ESX1: variants seen among roughly 807,000 people sequenced by gnomAD.
ESX1 encodes the protein homeobox protein ESX1.
Under a neutral mutation model 13.2 loss-of-function variants are expected in ESX1, and 2 were observed. The observed-to-expected ratio is 0.15, with a 90% CI of 0.06 to 0.48. The LOEUF is 0.48. Among genes scored for constraint, ESX1 ranks in the 20% least tolerant of loss-of-function variants. ESX1 has a pLI of 0.97. For synonymous variants in ESX1, 157 were observed against 163.1 expected, an observed-to-expected ratio of 0.96 and a Z score of 0.29; for missense variants, 307 against 379.0, an observed-to-expected ratio of 0.81 and a Z score of 1.58.
chrX:104,252,428 A>G (rs1602541986), intron 3 of ESX1, among the ~76,000 whole-genome samples: 2 of 112,174 alleles, frequency 1.8e-5, no homozygotes, highest in African/African-American at 3.2e-5. Flanking sequence ...ATTTATTGGG[A>G]TATATGTATG....
intron 2 of ESX1, 73 bp downstream of exon 2, chrX:104,254,080 GC>G (rs371213512): frequency 6.3e-6 from 7 of 1,110,813 alleles, no homozygotes; most frequent in African/African-American, 1.9e-5. Context: ...GCGCCCGTGA[GC>G]CCCCTACGTG....
intron 2 of ESX1, among the ~76,000 whole-genome samples, chrX:104,253,190 T>C (rs1923227277): frequency 9.3e-6 from 1 of 108,057 alleles, no homozygotes; most frequent in African/African-American, 3.4e-5. Context: ...ATTATTTCTC[T>C]CCCCCACCTC....
In ESX1 at chrX:104,250,827, T is replaced by C. The variant is rs781841111; in HGVS notation, c.622A>G (p.Thr208Ala). The change falls in exon 4 of 4, where the codon ACT becomes GCT. Residue 208 changes from threonine to alanine, a missense_variant. Coordinates refer to ENST00000372588, the MANE Select transcript of ESX1 (RefSeq NM_153448.4). ...TCCAAAGGGTGGGCCAGGTCAGCAG[T>C]AGCAGTGTTTCTCAACATTAGCACC... ...QRVLMLRNTA[T>A]ADLAHPLDMF... The C allele has an allele frequency of 3.3e-6, 4 of 1,211,513 alleles. No homozygotes were observed. Among genetic ancestry groups the C allele is most frequent in the East Asian group, 3.0e-5 (1 of 33,834 alleles).
intron 3 of ESX1, 75 bp from the exon 4 acceptor site, chrX:104,250,971 A>C: frequency 1.1e-6 from 1 of 901,762 alleles, no homozygotes; most frequent in Non-Finnish European, 1.5e-6. Flanking sequence ...ATAACATGGA[A>C]TTCTATATGC....
At position 104,254,178 on chromosome X, in the gene ESX1, G is replaced by A. The variant is rs1194936391; in HGVS notation, c.482C>T (p.Ser161Phe). ...CCGCGCCACAACGTCGGGATATTGA[G>A]ATTCATCGAAAAAGTTCTCTAGCTC... ...LQELENFFDE[S>F]QYPDVVARER... The change falls in exon 2 of 4, where the codon TCT becomes TTT. Residue 161 changes from serine (S) to phenylalanine (F), a missense_variant. Transcript: ENST00000372588. 8.3e-7 allele frequency: 1 copy of A among 1,206,333 alleles called. No individual in the cohort carries two copies. Among genetic ancestry groups the A allele is most frequent in the Non-Finnish European group, 1.1e-6 (1 of 892,685 alleles).
chrX:104,250,169 G>A lies in ESX1; in HGVS notation c.*59C>T, dbSNP rs1923118975. On this transcript the variant is annotated 3_prime_UTR_variant, in exon 4 of 4. Transcript: ENST00000372588. ...CTAACGAATTACTTGATGCTGTGCT[G>A]TGCACAATTTCTATCTGGCAGGAAA... 2 of 1,166,435 alleles carry A rather than the reference G, an allele frequency of 1.7e-6. No individual in the cohort carries two copies. Among genetic ancestry groups the A allele is most frequent in the Non-Finnish European group, 1.2e-6 (1 of 863,605 alleles).
In ESX1 at chrX:104,250,668, T is replaced by C. The variant is rs782026483; in HGVS notation, c.781A>G (p.Met261Val). ...GGTGCTATGGGTGGCCTGGGTGGCA[T>C]AGGGACCATGGGTGGCCTGGGTGGC... ...PMPPRPPMVP[M>V]PPRPPIAPMP... Residue 261 changes from methionine to valine, a missense_variant, in exon 4 of 4, where the codon ATG (methionine) becomes GTG (valine). Coordinates refer to ENST00000372588, the MANE Select transcript of ESX1 (RefSeq NM_153448.4). 1.5e-5 allele frequency: 18 copies of C among 1,208,425 alleles called. No homozygotes were observed. The highest frequency in any genetic ancestry group is 8.8e-5 in the African/African-American group (5 of 56,874).
intron 2 of ESX1, among the ~76,000 whole-genome samples, chrX:104,253,294 A>G (rs1923230375): frequency 9.1e-6 from 1 of 109,862 alleles, no homozygotes; most frequent in Non-Finnish European, 1.9e-5. Flanking sequence ...AAAAGGAAAC[A>G]TATGTAAAAG....
Position 104,254,329 on chromosome X carries a change from C to T in ESX1, c.331G>A (p.Glu111Lys). 1.7e-6 allele frequency: 2 copies of T among 1,211,151 alleles called. No individual in the cohort carries two copies. Among genetic ancestry groups the T allele is most frequent in the East Asian group, 3.0e-5 (1 of 33,536 alleles). ...PPLLELKQEQ[E>K]EPPQTTVEGP... is the part of the protein sequence containing the mutation. The stretch of plus-strand genomic sequence containing the variant: ...TCCACGGTCGTCTGGGGCGGCTCCT[C>T]CTGCTCTTGCTTCAGCTCGAGCAGG... The change falls in exon 2 of 4, where the codon GAG becomes AAG. Residue 111 changes from glutamate (E) to lysine (K), a missense_variant. Transcript: ENST00000372588.
At chrX:104,252,456 G>A (rs1556394560) in intron 3 of ESX1, among the ~76,000 whole-genome samples, 4 of 112,083 alleles carry the variant, frequency 3.6e-5, no homozygotes, top group African/African-American at 1.3e-4. Flanking sequence ...GTGTATACAT[G>A]TGCATATATG....
At position 104,252,770 on chromosome X, in the gene ESX1, A is replaced by G; in HGVS notation, c.552+13T>C. On this transcript the variant is annotated intron_variant, in intron 3 of 3. Coordinates refer to ENST00000372588, the MANE Select transcript of ESX1 (RefSeq NM_153448.4). ...GGCTGTCCTGCCAAATTGCTTTTTC[A>G]AGATTTACTGACCTGCACTCTGTCT... 1 of 1,209,012 alleles carries G rather than the reference A, an allele frequency of 8.3e-7. No individual in the cohort carries two copies. Among genetic ancestry groups the G allele is most frequent in the Non-Finnish European group, 1.1e-6 (1 of 893,209 alleles).
chrX:104,254,213 A>T lies in ESX1; in HGVS notation c.447T>A (p.Phe149Leu), dbSNP rs781928668. 8.0e-5 allele frequency: 97 copies of T among 1,210,874 alleles called. No homozygotes were observed. Among genetic ancestry groups the T allele is most frequent in the Non-Finnish European group, 9.4e-5 (84 of 895,231 alleles). Residue 149 changes from phenylalanine (F) to leucine (L), a missense_variant, in exon 2 of 4, where the codon TTT becomes TTA. Phe to Leu is a conservative substitution (Grantham distance 22). Coordinates refer to ENST00000372588, the MANE Select transcript of ESX1 (RefSeq NM_153448.4). The stretch of plus-strand genomic sequence containing the variant: ...AAAAGTTCTCTAGCTCCTGCAGCTG[A>T]AACTGCGTGAACGCGGTGCGGCGGC... ...KRRRRTAFTQ[F>L]QLQELENFFD...
At chrX:104,251,032 T>C (rs1923173036) in intron 3 of ESX1, 136 bp from the exon 4 acceptor site, 2 of 584,045 alleles carry the variant, frequency 3.4e-6, no homozygotes, top group South Asian at 6.5e-5. Flanking sequence ...ATTGCTGAAA[T>C]ATCTTAGAGG....
chrX:104,253,295 T>C (rs1358045827), intron 2 of ESX1, among the ~76,000 whole-genome samples: 1 of 108,971 alleles, frequency 9.2e-6, no homozygotes, highest in Admixed American at 9.9e-5. Context: ...AAAGGAAACA[T>C]ATGTAAAAGC....
chrX:104,252,786 C>T lies in ESX1; in HGVS notation c.549G>A (p.Val183=), dbSNP rs1923215763. The T allele has an allele frequency of 3.3e-6, 4 of 1,208,651 alleles. No individual in the cohort carries two copies. In the Admixed American group the frequency reaches 8.7e-5, roughly 26 times the overall value. Residue 183 remains valine, a synonymous_variant, in exon 3 of 4, where the codon GTG becomes GTA. Transcript: ENST00000372588. ...AARLNLTEDR[V]QVWFQNRRAK... is the part of the protein sequence containing the mutation. ...TGCTTTTTCAAGATTTACTGACCTG[C>T]ACTCTGTCTTCAGTCAAATTCAGGC... is the stretch of plus-strand genomic sequence containing the variant.
At chrX:104,251,978 G>A (rs1260026025) in intron 3 of ESX1, among the ~76,000 whole-genome samples, 10 of 111,816 alleles carry the variant, frequency 8.9e-5, no homozygotes, top group African/African-American at 2.9e-4. Context: ...TTAGGTAAGG[G>A]AATTTTATTC....
chrX:104,250,983 A>G, intron 3 of ESX1, 87 bp from the exon 4 acceptor site: 1 of 832,170 alleles, frequency 1.2e-6, no homozygotes, highest in Non-Finnish European at 1.7e-6. Flanking sequence ...TCTATATGCC[A>G]CTGAGACTTT....
At chrX:104,253,035 G>A (rs979620511) in intron 2 of ESX1, among the ~76,000 whole-genome samples, 5 of 109,798 alleles carry the variant, frequency 4.6e-5, no homozygotes, top group Admixed American at 2.9e-4. Flanking sequence ...TGTAATCCCA[G>A]CTACTCGGGA....
At position 104,254,860 on chromosome X, in the gene ESX1, C is replaced by G. The variant is rs373167155; in HGVS notation, c.-11G>C. The G allele has an allele frequency of 2.3e-5, 27 of 1,191,921 alleles. No homozygotes were observed. Among genetic ancestry groups the G allele is most frequent in the Middle Eastern group, 4.6e-4 (2 of 4,336 alleles). ...GCGAAGAGACTCCATGCTTCAAGCG[C>G]TGTCGATAAAGCTGTGCACTTCTGC... On this transcript the variant is annotated 5_prime_UTR_variant, in exon 1 of 4. Coordinates refer to ENST00000372588, the MANE Select transcript of ESX1 (RefSeq NM_153448.4).
Sources: gnomAD v4.1 joint callset for allele counts (sites outside exome capture counted in the v4.1 genomes callset) on GRCh38, gnomAD v4.1.1 for gene constraint, MANE v1.5 for transcripts, NCBI Gene and HGNC (gene_info 2026-07-23, HGNC 2026-07-21) for gene names.